Variants in NLGN1 observed in about 807,000 individuals in gnomAD.
The protein encoded by NLGN1 is neuroligin-1.
In NLGN1, 12 loss-of-function variants were observed where a neutral mutation model predicts 65.5. The observed-to-expected ratio is 0.18, with a 90% CI of 0.12 to 0.30. The LOEUF is 0.30. Among genes scored for constraint, NLGN1 ranks in the 10% least tolerant of loss-of-function variants. The pLI, the probability that NLGN1 is intolerant of heterozygous loss-of-function variation, is 1.00. For missense variants in NLGN1, 750 were observed against 1,007.1 expected (o/e 0.74, Z 3.46); for synonymous variants, 350 against 359.5 (o/e 0.97, Z 0.30).
At chr3:174,154,164 T>C (rs1380687185) in intron 4 of NLGN1, among the ~76,000 whole-genome samples, 1 of 152,022 alleles carries the variant, frequency 6.6e-6, no homozygotes, top group African/African-American at 2.4e-5. Context: ...AGAATAGCAT[T>C]TTTTTCTTCT....
chr3:173,627,662 A>G (rs1455448534), intron 3 of NLGN1, among the ~76,000 whole-genome samples: 2 of 152,110 alleles, frequency 1.3e-5, no homozygotes, highest in African/African-American at 4.8e-5. Context: ...TGAAATTTGT[A>G]ATTTTCCAGC....
At chr3:174,186,009 T>A (rs1354162588) in intron 4 of NLGN1, among the ~76,000 whole-genome samples, 3 of 151,976 alleles carry the variant, frequency 2.0e-5, no homozygotes, top group Non-Finnish European at 2.9e-5. Context: ...TAGACCACAA[T>A]AGGTACCCAA....
intron 4 of NLGN1, among the ~76,000 whole-genome samples, chr3:173,844,974 T>A (rs982167952): frequency 2.0e-5 from 3 of 152,226 alleles, no homozygotes; most frequent in African/African-American, 4.8e-5. Flanking sequence ...TTTGTACTCA[T>A]AAAATGCCAT....
At chr3:173,538,645 T>C (rs1737864228) in intron 2 of NLGN1, among the ~76,000 whole-genome samples, 1 of 152,164 alleles carries the variant, frequency 6.6e-6, no homozygotes, top group Non-Finnish European at 1.5e-5. Flanking sequence ...GACTCATAGC[T>C]GGTCTCCGCT....
At chr3:173,435,067 A>T (rs1175082707) in exon 2 of NLGN1, 1 of 152,622 alleles carries the variant, frequency 6.6e-6, no homozygotes, top group Admixed American at 6.5e-5. Context: ...CCCAGGGCTC[A>T]CTGGAGTGGC....
chr3:174,242,880 AT>A (rs1057181832), intron 4 of NLGN1, among the ~76,000 whole-genome samples: 1 of 152,290 alleles, frequency 6.6e-6, no homozygotes, highest in Admixed American at 6.5e-5. Flanking sequence ...AGTGCCAAAA[AT>A]GTTGGCGACC....
chr3:174,160,710 T>G (rs1009377354), intron 4 of NLGN1, among the ~76,000 whole-genome samples: 9 of 151,186 alleles, frequency 6.0e-5, no homozygotes, highest in Non-Finnish European at 7.4e-5. Flanking sequence ...GTATATTTTC[T>G]ATTATAATAG....
chr3:173,467,043 G>A (rs1434614320), intron 2 of NLGN1, among the ~76,000 whole-genome samples: 1 of 151,908 alleles, frequency 6.6e-6, no homozygotes, highest in African/African-American at 2.4e-5. Flanking sequence ...ATATAAAGGA[G>A]AAAATAAAAA....
chr3:174,273,491 G>GAGTT (rs1230186034), intron 4 of NLGN1, among the ~76,000 whole-genome samples: 3 of 151,608 alleles, frequency 2.0e-5, no homozygotes, highest in East Asian at 1.9e-4. Flanking sequence ...ATAGCAAATA[G>GAGTT]AGTTAAAAGA....
intron 2 of NLGN1, among the ~76,000 whole-genome samples, chr3:173,537,046 A>G (rs1204848848): frequency 6.6e-6 from 1 of 152,188 alleles, no homozygotes; most frequent in African/African-American, 2.4e-5. Context: ...TCGGGCCTAC[A>G]GTGGATTGGA....
At chr3:173,477,823 GT>G (rs897824242) in intron 2 of NLGN1, among the ~76,000 whole-genome samples, 4 of 152,014 alleles carry the variant, frequency 2.6e-5, no homozygotes, top group Non-Finnish European at 5.9e-5. Flanking sequence ...GAATGGGGTT[GT>G]TTTTTTCTTG....
chr3:174,047,331 A>G (rs889982813), intron 4 of NLGN1, among the ~76,000 whole-genome samples: 47 of 152,160 alleles, frequency 3.1e-4, no homozygotes, highest in African/African-American at 1.1e-3. Flanking sequence ...CTAGGATTAC[A>G]TATCTATTCT....
At chr3:174,251,820 C>T (rs2152843416) in intron 4 of NLGN1, among the ~76,000 whole-genome samples, 1 of 152,162 alleles carries the variant, frequency 6.6e-6, no homozygotes, top group Admixed American at 6.5e-5. Context: ...AATTAGATTG[C>T]TTTGCCTGAA....
chr3:174,131,720 G>A (rs1056395758), intron 4 of NLGN1, among the ~76,000 whole-genome samples: 1 of 152,142 alleles, frequency 6.6e-6, no homozygotes, highest in African/African-American at 2.4e-5. Flanking sequence ...GTGGCTACAT[G>A]AGCTATTCAA....
At chr3:173,936,595 A>C (rs1745114688) in intron 4 of NLGN1, among the ~76,000 whole-genome samples, 1 of 152,068 alleles carries the variant, frequency 6.6e-6, no homozygotes, top group Non-Finnish European at 1.5e-5. Flanking sequence ...TCTCAACTGA[A>C]AGGGTGCCAC....
At chr3:173,514,448 G>A (rs1733503805) in intron 2 of NLGN1, among the ~76,000 whole-genome samples, 1 of 151,928 alleles carries the variant, frequency 6.6e-6, no homozygotes, top group African/African-American at 2.4e-5. Flanking sequence ...TTGTGTTCTG[G>A]TAGTTTAGCT....
At chr3:173,840,610 G>C (rs1340973783) in intron 4 of NLGN1, among the ~76,000 whole-genome samples, 1 of 152,094 alleles carries the variant, frequency 6.6e-6, no homozygotes, top group Non-Finnish European at 1.5e-5. Flanking sequence ...CTGGGTTAAG[G>C]CTTCAAACAA....
chr3:173,411,993 G>A (rs139632349), intron 1 of NLGN1, among the ~76,000 whole-genome samples: 1 of 152,282 alleles, frequency 6.6e-6, no homozygotes, highest in African/African-American at 2.4e-5. Context: ...TCTGTTAGCA[G>A]CAATTCCAAA....
At chr3:174,031,666 G>A (rs909133930) in intron 4 of NLGN1, among the ~76,000 whole-genome samples, 9 of 151,998 alleles carry the variant, frequency 5.9e-5, no homozygotes, top group African/African-American at 1.9e-4. Flanking sequence ...TTTAATAGAA[G>A]GTTTAGAATA....
Sources: allele counts gnomAD v4.1 joint callset (sites outside exome capture counted in the v4.1 genomes callset), GRCh38; gene constraint gnomAD v4.1.1; transcripts MANE v1.5; gene names NCBI Gene and HGNC (gene_info 2026-07-23, HGNC 2026-07-21).